CDKL5: variants seen among roughly 807,000 people sequenced by gnomAD.
CDKL5 encodes cyclin-dependent kinase-like 5.
CDKL5 carries 8 observed loss-of-function variants against 61.7 expected under a neutral mutation model. The ratio of observed to expected loss-of-function variants is 0.13; its 90% CI spans 0.08 to 0.23. The LOEUF (loss-of-function observed/expected upper bound fraction) is 0.23, where lower values mean the gene tolerates loss of function less well. Ranked by LOEUF, CDKL5 falls within the 10% of genes least tolerant of loss-of-function variation. CDKL5 has a pLI of 1.00. For synonymous variants in CDKL5, 275 were observed against 272.3 expected (o/e 1.01, Z -0.10); for missense variants, 440 against 734.5 (o/e 0.60, Z 4.63).
chrX:18,584,402 T>C, intron 8 of CDKL5, 49 bp downstream of exon 8: 1 of 817,457 alleles, frequency 1.2e-6, no homozygotes, highest in Non-Finnish European at 1.9e-6. Flanking sequence ...CTGCTGATTC[T>C]ATTGTCATTT....
chrX:18,478,878 G>A (rs181196030), intron 1 of CDKL5, among the ~76,000 whole-genome samples: 346 of 108,701 alleles, frequency 3.2e-3, no homozygotes, highest in Non-Finnish European at 5.4e-3. Context: ...ACCATGCCCC[G>A]CCAATTTTTG....
intron 1 of CDKL5, among the ~76,000 whole-genome samples, chrX:18,491,111 G>A (rs972387489): frequency 9.0e-5 from 10 of 111,715 alleles, no homozygotes; most frequent in Middle Eastern, 4.6e-3. Flanking sequence ...TAATCACTCC[G>A]TGCCTTCCCT....
chrX:18,497,681 A>T (rs955438791), intron 1 of CDKL5, among the ~76,000 whole-genome samples: 1 of 111,502 alleles, frequency 9.0e-6, no homozygotes, highest in African/African-American at 3.3e-5. Context: ...ATAAGTATAT[A>T]CTCTAATGAA....
intron 3 of CDKL5, among the ~76,000 whole-genome samples, chrX:18,563,658 C>T (rs1238187050): frequency 9.0e-6 from 1 of 111,551 alleles, no homozygotes; most frequent in Admixed American, 9.5e-5. Flanking sequence ...AAAGTGTCCC[C>T]ACTTAAAGTA....
intron 16 of CDKL5, among the ~76,000 whole-genome samples, chrX:18,621,158 T>C (rs971641578): frequency 8.9e-6 from 1 of 112,345 alleles, no homozygotes; most frequent in Non-Finnish European, 1.9e-5. Flanking sequence ...ATTTCATCTA[T>C]AAGTTTAGTA....
intron 4 of CDKL5, among the ~76,000 whole-genome samples, chrX:18,565,609 A>G (rs1364168269): frequency 3.6e-5 from 4 of 112,145 alleles, no homozygotes; most frequent in African/African-American, 3.2e-5. Context: ...CAGCCTCTAT[A>G]TTTATGAACA....
At chrX:18,488,873 C>G (rs1373636833) in intron 1 of CDKL5, among the ~76,000 whole-genome samples, 2 of 111,788 alleles carry the variant, frequency 1.8e-5, no homozygotes, top group Non-Finnish European at 3.8e-5. Flanking sequence ...AAAACAGACT[C>G]TTTGTAGCAG....
chrX:18,456,779 C>T (rs919543288), intron 1 of CDKL5, among the ~76,000 whole-genome samples: 2 of 111,830 alleles, frequency 1.8e-5, no homozygotes, highest in African/African-American at 6.5e-5. Flanking sequence ...AGTCTTCCTA[C>T]TTCCATCTCT....
chrX:18,448,212 A>G (rs1159360806), intron 1 of CDKL5, among the ~76,000 whole-genome samples: 1 of 112,326 alleles, frequency 8.9e-6, no homozygotes, highest in African/African-American at 3.2e-5. Context: ...TGGGCTCCCA[A>G]GACAGATAGT....
At chrX:18,584,489 A>G (rs1309781484) in intron 8 of CDKL5, 136 bp downstream of exon 8, 3 of 495,204 alleles carry the variant, frequency 6.1e-6, no homozygotes, top group East Asian at 7.2e-5. Context: ...ATAACAAACT[A>G]CCTAAAACTT....
chrX:18,646,653 C>T (rs79120848), intron 20 of CDKL5, among the ~76,000 whole-genome samples: 1,370 of 111,481 alleles, frequency 0.012, 21 homozygotes, highest in African/African-American at 0.042. Flanking sequence ...CTTGCCTCTC[C>T]ACCTTGTCTC....
intron 20 of CDKL5, chrX:18,647,678 A>G (rs1295441485): frequency 2.1e-5 from 5 of 242,841 alleles, no homozygotes; most frequent in Non-Finnish European, 3.7e-5. Flanking sequence ...GTGCACAGTG[A>G]AATACCATAT....
chrX:18,449,379 G>A (rs1931955113), intron 1 of CDKL5, among the ~76,000 whole-genome samples: 1 of 112,268 alleles, frequency 8.9e-6, no homozygotes, highest in East Asian at 2.8e-4. Context: ...CCCTGTCTTC[G>A]TGGGTTTCCC....
chrX:18,479,434 G>A (rs938089207), intron 1 of CDKL5, among the ~76,000 whole-genome samples: 1 of 103,575 alleles, frequency 9.7e-6, no homozygotes, highest in Non-Finnish European at 2.0e-5. Flanking sequence ...ATTCTCCTGC[G>A]TCAGCCTCCC....
chrX:18,481,106 G>T (rs1467642903), intron 1 of CDKL5, among the ~76,000 whole-genome samples: 1 of 110,148 alleles, frequency 9.1e-6, no homozygotes, highest in African/African-American at 3.3e-5. Flanking sequence ...TGATCCACCC[G>T]CCTCGGCCTC....
chrX:18,586,704 GA>G, intron 8 of CDKL5, among the ~76,000 whole-genome samples: 1 of 112,013 alleles, frequency 8.9e-6, no homozygotes, highest in Non-Finnish European at 1.9e-5. Flanking sequence ...CTTTGTCCTT[GA>G]CATTCAGAAT....
chrX:18,477,702 A>AC (rs1921370534), intron 1 of CDKL5, among the ~76,000 whole-genome samples: 1 of 111,559 alleles, frequency 9.0e-6, no homozygotes, highest in Non-Finnish European at 1.9e-5. Context: ...AGTAAGATAT[A>AC]GAAACCGTTC....
chrX:18,551,453 T>A (rs984220499), intron 3 of CDKL5, among the ~76,000 whole-genome samples: 5 of 108,978 alleles, frequency 4.6e-5, no homozygotes, highest in Non-Finnish European at 7.6e-5. Flanking sequence ...ATTTATCAAT[T>A]AAGTGGTCCA....
chrX:18,432,546 T>G (rs1021645923), intron 1 of CDKL5, among the ~76,000 whole-genome samples: 2 of 110,174 alleles, frequency 1.8e-5, no homozygotes, highest in Admixed American at 9.8e-5. Context: ...CTGGCCAACC[T>G]AGATCTTTTT....
Sources: allele counts gnomAD v4.1 joint callset (sites outside exome capture counted in the v4.1 genomes callset), GRCh38; gene constraint gnomAD v4.1.1; transcripts MANE v1.5; gene names NCBI Gene and HGNC (gene_info 2026-07-23, HGNC 2026-07-21).